The following GABRB2 variants were observed in gnomAD, a reference collection of about 807,000 sequenced individuals.
The protein encoded by GABRB2 is gamma-aminobutyric acid type A receptor subunit beta2, also known as gamma-aminobutyric acid receptor subunit beta-2.
Under a neutral mutation model 54.7 loss-of-function variants are expected in GABRB2, and 16 were observed. That is an observed-to-expected ratio of 0.29 (90% CI 0.20 to 0.44). GABRB2 has a LOEUF of 0.44. Ranked by LOEUF, GABRB2 falls within the 20% of genes least tolerant of loss-of-function variation. The probability of loss-of-function intolerance (pLI) is 1.00; values close to 1 mark genes in which losing one functional copy is unlikely to be tolerated. For missense variants in GABRB2, 355 were observed against 644.0 expected, an observed-to-expected ratio of 0.55 and a Z score of 4.86; for synonymous variants, 244 against 233.8, an observed-to-expected ratio of 1.04 and a Z score of -0.40.
chr5:161,460,343 AGG>A (rs2054173307), intron 3 of GABRB2, among the ~76,000 whole-genome samples: 1 of 152,182 alleles, frequency 6.6e-6, no homozygotes, highest in African/African-American at 2.4e-5. Context: ...TCACATATAG[AGG>A]CAAATACTAA....
intron 3 of GABRB2, among the ~76,000 whole-genome samples, chr5:161,498,983 C>A (rs553965241): frequency 6.6e-6 from 1 of 152,164 alleles, no homozygotes; most frequent in Non-Finnish European, 1.5e-5. Flanking sequence ...CACGTCCTCA[C>A]GTCCTCACAT....
At position 161,494,538 on chromosome 5, in the gene GABRB2, C is replaced by CGTGTGT. The variant is rs35292247; in HGVS notation, c.238-34700_238-34695dup. 4.6e-4 allele frequency among the ~76,000 whole-genome samples: 67 copies of CGTGTGT among 146,242 alleles called. No individual in the cohort carries two copies. The East Asian group carries it at 6.1e-3, about 13-fold the overall frequency. ...GGGAATATATTTACTGTTAGGTATGCGTGTGTGTGTGTGTGTGTGTGTGTG... is the reference window on the plus strand; with the variant it reads ...GGGAATATATTTACTGTTAGGTATGCGTGTGTGTGTGTGTGTGTGTGTGTGTGTGTG... On this transcript the variant is annotated intron_variant, in intron 3 of 9. Coordinates refer to ENST00000393959, the MANE Select transcript of GABRB2 (RefSeq NM_001371727.1).
In GABRB2 at chr5:161,409,647, A is replaced by G. The variant is rs1047677036; in HGVS notation, c.541+1328T>C. Among the ~76,000 whole-genome samples the G allele has an allele frequency of 1.2e-4, 18 of 152,132 alleles. 1 individual carries two copies. The highest frequency in any genetic ancestry group is 6.2e-4 in the South Asian group (3 of 4,832). ...AACTGGAACAAAACATACTTTCACC[A>G]CAGAAATTCATGAGTGGTACATAGC... On this transcript the variant is annotated intron_variant, in intron 5 of 9. Coordinates refer to ENST00000393959, the MANE Select transcript of GABRB2 (RefSeq NM_001371727.1).
At position 161,524,232 on chromosome 5, in the gene GABRB2, G is replaced by A. The variant is rs544218333; in HGVS notation, c.237+20995C>T. Among the ~76,000 whole-genome samples, 13 of 151,342 alleles carry A rather than the reference G, an allele frequency of 8.6e-5. No individual in the cohort carries two copies. In the East Asian group the frequency reaches 2.1e-3, roughly 25 times the overall value. On this transcript the variant is annotated intron_variant, in intron 3 of 9. Transcript: ENST00000393959. ...TTAATGTTCTCAAAAGTATCCATAT[G>A]GTATTTGGCCATAAAACTTCATAAT...
chr5:161,310,407 A>G (rs1339001817), intron 9 of GABRB2, among the ~76,000 whole-genome samples: 1 of 152,244 alleles, frequency 6.6e-6, no homozygotes, highest in African/African-American at 2.4e-5. Flanking sequence ...ATGGAGAAAC[A>G]TGAAGCCTTG....
chr5:161,405,283 G>A (rs1378316999), intron 5 of GABRB2, among the ~76,000 whole-genome samples: 1 of 151,974 alleles, frequency 6.6e-6, no homozygotes, highest in Non-Finnish European at 1.5e-5. Context: ...TGTTCTGATT[G>A]CTACATATCC....
chr5:161,524,919 G>C (rs746804333), intron 3 of GABRB2, among the ~76,000 whole-genome samples: 12 of 151,202 alleles, frequency 7.9e-5, no homozygotes, highest in Non-Finnish European at 4.4e-5. Context: ...TAAAGTCTTA[G>C]CAAATATATA....
intron 9 of GABRB2, among the ~76,000 whole-genome samples, chr5:161,301,383 A>G (rs1266804439): frequency 1.3e-5 from 2 of 152,022 alleles, no homozygotes; most frequent in Non-Finnish European, 2.9e-5. Context: ...TCACTTGAGC[A>G]GTGCAGACAC....
At chr5:161,541,586 T>C (rs1760818657) in intron 3 of GABRB2, among the ~76,000 whole-genome samples, 1 of 152,252 alleles carries the variant, frequency 6.6e-6, no homozygotes, top group African/African-American at 2.4e-5. Flanking sequence ...CTTGCACTTT[T>C]ATGTTATGAA....
intron 5 of GABRB2, among the ~76,000 whole-genome samples, chr5:161,360,348 A>C (rs1397605947): frequency 2.0e-5 from 3 of 152,226 alleles, no homozygotes; most frequent in Non-Finnish European, 4.4e-5. Flanking sequence ...GTTTGTATAT[A>C]AGAAGGTTCA....
chr5:161,448,121 G>A (rs1372467606), intron 4 of GABRB2, among the ~76,000 whole-genome samples: 1 of 152,096 alleles, frequency 6.6e-6, no homozygotes, highest in Non-Finnish European at 1.5e-5. Context: ...GAATTACAAA[G>A]TAAGAATTAA....
At chr5:161,382,258 A>G (rs1304739205) in intron 5 of GABRB2, among the ~76,000 whole-genome samples, 1 of 152,188 alleles carries the variant, frequency 6.6e-6, no homozygotes, top group Non-Finnish European at 1.5e-5. Context: ...CTCTACAGCC[A>G]ACTGGAAAGT....
chr5:161,301,400 A>C (rs1232795347), intron 9 of GABRB2, among the ~76,000 whole-genome samples: 1 of 152,058 alleles, frequency 6.6e-6, no homozygotes, highest in Non-Finnish European at 1.5e-5. Context: ...ACACAAGAGA[A>C]ACCACTAAAC....
chr5:161,319,120 T>C (rs1319159557), intron 9 of GABRB2, among the ~76,000 whole-genome samples: 1 of 149,822 alleles, frequency 6.7e-6, no homozygotes, highest in Non-Finnish European at 1.5e-5. Flanking sequence ...GTAATTTTAT[T>C]AGCTGTTTTT....
At chr5:161,404,483 CCT>C (rs1756289788) in intron 5 of GABRB2, among the ~76,000 whole-genome samples, 1 of 152,020 alleles carries the variant, frequency 6.6e-6, no homozygotes, top group South Asian at 2.1e-4. Flanking sequence ...TTTACACCCC[CCT>C]TTCACACACA....
At chr5:161,511,036 G>T (rs1014824109) in intron 3 of GABRB2, among the ~76,000 whole-genome samples, 1 of 151,864 alleles carries the variant, frequency 6.6e-6, no homozygotes, top group Non-Finnish European at 1.5e-5. Flanking sequence ...ACTAATAATT[G>T]ATCACAGTAT....
chr5:161,452,618 C>A (rs1256987351), intron 4 of GABRB2, among the ~76,000 whole-genome samples: 1 of 152,144 alleles, frequency 6.6e-6, no homozygotes, highest in African/African-American at 2.4e-5. Context: ...ATGGGCTCAA[C>A]AGAAGCACAA....
intron 3 of GABRB2, among the ~76,000 whole-genome samples, chr5:161,498,420 C>T (rs1440892324): frequency 6.6e-6 from 1 of 151,830 alleles, no homozygotes; most frequent in Non-Finnish European, 1.5e-5. Context: ...CTTTGAGATG[C>T]TGGAGCTGAA....
chr5:161,473,372 G>A (rs13180081), intron 3 of GABRB2, among the ~76,000 whole-genome samples: 12 of 151,886 alleles, frequency 7.9e-5, no homozygotes, highest in Non-Finnish European at 1.3e-4. Context: ...TCCAAGATGC[G>A]GAAAAAGTGT....
Sources: allele counts gnomAD v4.1 joint callset (sites outside exome capture counted in the v4.1 genomes callset), GRCh38; gene constraint gnomAD v4.1.1; transcripts MANE v1.5; gene names NCBI Gene and HGNC (gene_info 2026-07-23, HGNC 2026-07-21).